Variants in MARCHF6 observed in about 807,000 individuals in gnomAD.
MARCHF6 encodes the protein membrane associated ring-CH-type finger 6, also known as E3 ubiquitin-protein ligase MARCHF6.
A neutral mutation model predicts 133.7 loss-of-function variants in MARCHF6; 31 were observed. That is an observed-to-expected ratio of 0.23 (90% CI 0.17 to 0.31). The LOEUF is 0.31. MARCHF6 is among the 10% of genes least tolerant of loss of function. The probability of loss-of-function intolerance (pLI) is 1.00; values close to 1 mark genes in which losing one functional copy is unlikely to be tolerated. For missense variants in MARCHF6, 723 were observed against 1,121.6 expected, an observed-to-expected ratio of 0.64 and a Z score of 5.08; for synonymous variants, 395 against 402.5, an observed-to-expected ratio of 0.98 and a Z score of 0.22.
intron 6 of MARCHF6, among the ~76,000 whole-genome samples, chr5:10,390,732 G>T (rs1737777135): frequency 6.6e-6 from 1 of 152,038 alleles, no homozygotes; most frequent in South Asian, 2.1e-4. Flanking sequence ...AGCGTTGGGG[G>T]GTATACTGAA....
chr5:10,387,755 C>T (rs1737580320), intron 5 of MARCHF6, among the ~76,000 whole-genome samples: 1 of 152,150 alleles, frequency 6.6e-6, no homozygotes, highest in Non-Finnish European at 1.5e-5. Context: ...ACTGCAACTT[C>T]TGCCTTCTGG....
chr5:10,365,756 T>C (rs1736105979), intron 1 of MARCHF6, among the ~76,000 whole-genome samples: 2 of 152,194 alleles, frequency 1.3e-5, no homozygotes, highest in South Asian at 4.1e-4. Context: ...TTAAACACTA[T>C]CTACTTGGGG....
chr5:10,379,580 C>T (rs1737003536), intron 3 of MARCHF6, among the ~76,000 whole-genome samples: 1 of 152,038 alleles, frequency 6.6e-6, no homozygotes, highest in South Asian at 2.1e-4. Flanking sequence ...CCTGCCTCAG[C>T]CTCCCGAGTA....
At chr5:10,382,544 A>G (rs1320730736) in intron 4 of MARCHF6, among the ~76,000 whole-genome samples, 4 of 151,320 alleles carry the variant, frequency 2.6e-5, no homozygotes, top group African/African-American at 7.3e-5. Context: ...AAATACTCAC[A>G]TGGCCAGGCG....
Position 10,360,989 on chromosome 5 carries a change from A to G in MARCHF6, c.19+7072A>G, listed in dbSNP as rs567088169. Among the ~76,000 whole-genome samples the G allele has an allele frequency of 8.5e-5, 13 of 152,344 alleles. No homozygotes were observed. The South Asian group carries it at 1.2e-3, about 15-fold the overall frequency. ...ACTATGAAGATCACTTATTTTTAGT[A>G]TAATACAGTTAGAACAGAAAGAGTT... On this transcript the variant is annotated intron_variant, in intron 1 of 25. Coordinates refer to ENST00000274140, the MANE Select transcript of MARCHF6 (RefSeq NM_005885.4).
chr5:10,416,157 AAC>A (rs1739500264), intron 21 of MARCHF6, among the ~76,000 whole-genome samples: 1 of 152,212 alleles, frequency 6.6e-6, no homozygotes, highest in Non-Finnish European at 1.5e-5. Context: ...TGCTCTCAGT[AAC>A]ACATATGACT....
chr5:10,361,675 A>G (rs1481729138), intron 1 of MARCHF6, among the ~76,000 whole-genome samples: 4 of 152,160 alleles, frequency 2.6e-5, no homozygotes, highest in African/African-American at 4.8e-5. Flanking sequence ...GGGCAGTGCA[A>G]TTCAGCCCAT....
At chr5:10,418,810 C>T (rs999577827) in intron 22 of MARCHF6, among the ~76,000 whole-genome samples, 2 of 152,164 alleles carry the variant, frequency 1.3e-5, no homozygotes, top group African/African-American at 4.8e-5. Context: ...AATTTACACA[C>T]TCTGATGGGA....
At chr5:10,385,146 T>C (rs145580357) in intron 4 of MARCHF6, among the ~76,000 whole-genome samples, 36 of 152,308 alleles carry the variant, frequency 2.4e-4, no homozygotes, top group African/African-American at 8.2e-4. Context: ...TCATCTATAG[T>C]GGTAGAGATC....
Position 10,407,741 on chromosome 5 carries a change from A to G in MARCHF6, c.1553+539A>G, listed in dbSNP as rs145676644. Among the ~76,000 whole-genome samples, 636 of 152,176 alleles carry G rather than the reference A, an allele frequency of 4.2e-3. 5 individuals carry two copies. The highest frequency in any genetic ancestry group is 0.014 in the African/African-American group (598 of 41,520). ...AGCCGAGGCAGGCGGATCACCTGAGATTGGGAGTTTGAGACCAGCGTGACC... is the reference window on the plus strand; with the variant it reads ...AGCCGAGGCAGGCGGATCACCTGAGGTTGGGAGTTTGAGACCAGCGTGACC... On this transcript the variant is annotated intron_variant, in intron 17 of 25. Transcript: ENST00000274140.
At chr5:10,415,744 T>G (rs1678926283) in intron 21 of MARCHF6, 75 bp downstream of exon 21, 2 of 1,314,818 alleles carry the variant, frequency 1.5e-6, no homozygotes, top group Non-Finnish European at 1.0e-6. Flanking sequence ...TTAAATTTTT[T>G]TTTTTGGCAC....
intron 4 of MARCHF6, among the ~76,000 whole-genome samples, chr5:10,386,447 T>C (rs1233137432): frequency 6.6e-6 from 1 of 152,376 alleles, no homozygotes; most frequent in East Asian, 1.9e-4. Flanking sequence ...ACCCATACTT[T>C]GTCTTTCTCT....
chr5:10,433,674 C>A lies in MARCHF6; in HGVS notation c.2723C>A (p.Ser908Tyr). The A allele has an allele frequency of 6.2e-7, 1 of 1,614,048 alleles. No individual in the cohort carries two copies. The highest frequency in any genetic ancestry group is 8.5e-7 in the Non-Finnish European group (1 of 1,179,896). The change falls in exon 26 of 26, where the codon TCC (serine) becomes TAC (tyrosine). Residue 908 changes from serine to tyrosine, a missense_variant. Around this residue, in one of 4 missense-constraint regions of MARCHF6, gnomAD observed 492 missense variants for 699.5 expected, o/e 0.70. Transcript: ENST00000274140. ...QGSSPPPPQS[S>Y]QE ...TCATCTCCACCACCTCCACAGTCAT[C>A]CCAAGAATAAAGTAGTTGTCTCAAC...
At position 10,426,408 on chromosome 5, in the gene MARCHF6, C is replaced by T. The variant is rs1328885904; in HGVS notation, c.2392C>T (p.Arg798Trp). 3.1e-6 allele frequency: 5 copies of T among 1,613,398 alleles called. No homozygotes were observed. Among genetic ancestry groups the T allele is most frequent in the Admixed American group, 1.7e-5 (1 of 59,878 alleles). The change falls in exon 24 of 26, where the codon CGG (arginine) becomes TGG (tryptophan). Residue 798 changes from arginine to tryptophan, a missense_variant. Arg to Trp is a moderately radical substitution (Grantham distance 101). Coordinates refer to ENST00000274140, the MANE Select transcript of MARCHF6 (RefSeq NM_005885.4). ...VIEQVYANGI[R>W]NIDLHYIVRK... ...GTTTCAGGTTTACGCAAATGGCATC[C>T]GGAACATTGACCTTCACTATATTGT...
chr5:10,382,760 G>T (rs780689226), intron 4 of MARCHF6, among the ~76,000 whole-genome samples: 3 of 152,220 alleles, frequency 2.0e-5, no homozygotes, highest in Non-Finnish European at 2.9e-5. Flanking sequence ...CTGGGAGGCA[G>T]AGGTTTCAGT....
At position 10,378,831 on chromosome 5, in the gene MARCHF6, A is replaced by G. The variant is rs774528940; in HGVS notation, c.189A>G (p.Pro63=). 4.4e-6 allele frequency: 7 copies of G among 1,604,410 alleles called. No individual in the cohort carries two copies. The highest frequency in any genetic ancestry group is 6.0e-6 in the Non-Finnish European group (7 of 1,173,368). Residue 63 remains proline, a splice_region_variant and synonymous_variant, in exon 3 of 26, where the codon CCA becomes CCG. Transcript: ENST00000274140. ...ELCKHRFAFT[P]IYSPDMPSRL... ...GCAAGCACAGATTTGCTTTTACACC[A>G]AGTAAGTTCTTTAGACATTTTCACT...
chr5:10,402,695 G>A (rs1738617648), intron 14 of MARCHF6, 88 bp downstream of exon 14: 6 of 1,108,124 alleles, frequency 5.4e-6, no homozygotes, highest in Non-Finnish European at 8.1e-6. Context: ...TTAAAGGAAA[G>A]CAAATATTTG....
At chr5:10,390,258 G>A in intron 5 of MARCHF6, 74 bp from the exon 6 acceptor site, 3 of 1,182,740 alleles carry the variant, frequency 2.5e-6, no homozygotes, top group Non-Finnish European at 1.2e-6. Flanking sequence ...TTTAGTATAA[G>A]AAAATTTTTT....
intron 19 of MARCHF6, 74 bp downstream of exon 19, chr5:10,411,611 T>C (rs995557204): frequency 2.9e-5 from 35 of 1,224,926 alleles, no homozygotes; most frequent in Non-Finnish European, 3.9e-5. Flanking sequence ...CTGTTGAGAA[T>C]TGGTGCTATT....
Sources: gnomAD v4.1 joint callset for allele counts (sites outside exome capture counted in the v4.1 genomes callset) on GRCh38, gnomAD v4.1.1 for gene constraint, gnomAD v4.1.1 regional missense constraint, MANE v1.5 for transcripts, NCBI Gene and HGNC (gene_info 2026-07-23, HGNC 2026-07-21) for gene names.